CDH18: variants seen among roughly 807,000 people sequenced by gnomAD.
The protein encoded by CDH18 is cadherin-18.
Under a neutral mutation model 67.9 loss-of-function variants are expected in CDH18, and 31 were observed. That is an observed-to-expected ratio of 0.46 (90% CI 0.34 to 0.62). The LOEUF (loss-of-function observed/expected upper bound fraction) is 0.62. Ranked by LOEUF, CDH18 falls within the 20% of genes least tolerant of loss-of-function variation. The pLI is 0.01. For synonymous variants in CDH18, 362 were observed against 347.2 expected, an observed-to-expected ratio of 1.04 and a Z score of -0.48; for missense variants, 890 against 975.5, an observed-to-expected ratio of 0.91 and a Z score of 1.17.
chr5:20,251,559 T>C (rs1743860302), intron 2 of CDH18, among the ~76,000 whole-genome samples: 1 of 152,192 alleles, frequency 6.6e-6, no homozygotes, highest in African/African-American at 2.4e-5. Context: ...GCCTATGTAA[T>C]AGAAACATTC....
intron 5 of CDH18, among the ~76,000 whole-genome samples, chr5:19,640,656 T>C (rs1340692166): frequency 6.6e-6 from 1 of 151,856 alleles, no homozygotes; most frequent in African/African-American, 2.4e-5. Flanking sequence ...AAAGATAAAA[T>C]CAAACTGTAT....
At chr5:19,673,737 C>A (rs1015876771) in intron 5 of CDH18, among the ~76,000 whole-genome samples, 1 of 151,872 alleles carries the variant, frequency 6.6e-6, no homozygotes, top group African/African-American at 2.4e-5. Context: ...TGATAATGCA[C>A]CCTGCAACAT....
intron 1 of CDH18, chr5:20,304,787 G>A: frequency 6.2e-7 from 1 of 1,610,804 alleles, no homozygotes. Flanking sequence ...ACAAGGGAAG[G>A]AGACCGTGTT....
At chr5:20,379,715 T>G (rs1156395346) in intron 1 of CDH18, among the ~76,000 whole-genome samples, 1 of 152,034 alleles carries the variant, frequency 6.6e-6, no homozygotes, top group Non-Finnish European at 1.5e-5. Flanking sequence ...AAGGACAGAT[T>G]CAGCATGTAG....
At chr5:19,492,496 T>G (rs1014988542) in intron 11 of CDH18, among the ~76,000 whole-genome samples, 12 of 152,110 alleles carry the variant, frequency 7.9e-5, no homozygotes, top group Non-Finnish European at 1.5e-4. Flanking sequence ...TACAATGAAA[T>G]TATTTGATGT....
At chr5:20,268,004 A>T (rs1049166224) in intron 1 of CDH18, among the ~76,000 whole-genome samples, 1 of 152,126 alleles carries the variant, frequency 6.6e-6, no homozygotes, top group Admixed American at 6.5e-5. Context: ...CTTGATATCA[A>T]GTGTACCCAA....
rs112215993 is a variant in CDH18 at position 20,408,196 on chromosome 5, G to A, written c.-579-152691C>T. Among the ~76,000 whole-genome samples, 1,353 of 151,798 alleles carry A rather than the reference G, an allele frequency of 8.9e-3. 22 individuals are homozygous for A. The highest frequency in any genetic ancestry group is 0.031 in the African/African-American group (1,266 of 41,480). On this transcript the variant is annotated intron_variant, in intron 1 of 14. Transcript: ENST00000507958. ...ATGAAGAGGGATAAAGACTTTCCCC[G>A]GTAAATAAAAAAAGGTGAGGGAGAT... is the stretch of plus-strand genomic sequence containing the variant.
At chr5:19,490,064 A>AT (rs1201356991) in intron 11 of CDH18, among the ~76,000 whole-genome samples, 3 of 152,068 alleles carry the variant, frequency 2.0e-5, no homozygotes, top group Admixed American at 6.5e-5. Context: ...TATAAACAGT[A>AT]TTTTTTTAGT....
At chr5:20,271,417 A>T (rs1745424725) in intron 1 of CDH18, among the ~76,000 whole-genome samples, 1 of 152,124 alleles carries the variant, frequency 6.6e-6, no homozygotes, top group South Asian at 2.1e-4. Context: ...TATCTAGAAG[A>T]GAGCATTTTT....
chr5:19,580,078 G>A (rs1742987140), intron 7 of CDH18, among the ~76,000 whole-genome samples: 1 of 151,678 alleles, frequency 6.6e-6, no homozygotes, highest in South Asian at 2.1e-4. Flanking sequence ...GGGATAAAAT[G>A]TAAACTATTG....
intron 2 of CDH18, among the ~76,000 whole-genome samples, chr5:20,162,774 T>C (rs1200900996): frequency 6.6e-6 from 1 of 151,738 alleles, no homozygotes; most frequent in Non-Finnish European, 1.5e-5. Context: ...AGAAATAAAA[T>C]TTGGCTGGGC....
chr5:19,518,928 C>G (rs1384674966), intron 10 of CDH18, among the ~76,000 whole-genome samples: 1 of 152,110 alleles, frequency 6.6e-6, no homozygotes, highest in Non-Finnish European at 1.5e-5. Context: ...CTAAAAGAAA[C>G]CTAATTTAGG....
intron 7 of CDH18, among the ~76,000 whole-genome samples, chr5:19,579,055 G>T (rs1742786295): frequency 6.6e-6 from 1 of 151,920 alleles, no homozygotes; most frequent in South Asian, 2.1e-4. Context: ...TATAGCCCCA[G>T]AATGCAGAGA....
intron 2 of CDH18, among the ~76,000 whole-genome samples, chr5:20,174,545 C>A (rs1386141504): frequency 6.6e-6 from 1 of 152,174 alleles, no homozygotes; most frequent in Non-Finnish European, 1.5e-5. Context: ...ATTTATTCAC[C>A]TTTTTTGGGG....
chr5:19,951,473 C>T (rs988936124), intron 2 of CDH18, among the ~76,000 whole-genome samples: 4 of 152,046 alleles, frequency 2.6e-5, no homozygotes, highest in Admixed American at 1.3e-4. Context: ...GCATTTTTAG[C>T]ATTATCCACA....
chr5:19,708,848 C>A (rs115073850), intron 5 of CDH18, among the ~76,000 whole-genome samples: 117 of 152,134 alleles, frequency 7.7e-4, no homozygotes, highest in African/African-American at 2.6e-3. Context: ...CTGTCAGCCC[C>A]CTGATTCCCA....
chr5:19,786,343 G>A (rs1202940994), intron 3 of CDH18, among the ~76,000 whole-genome samples: 1 of 152,044 alleles, frequency 6.6e-6, no homozygotes, highest in East Asian at 1.9e-4. Flanking sequence ...TCTAAAAGCA[G>A]TGCACCCCAA....
intron 1 of CDH18, among the ~76,000 whole-genome samples, chr5:20,409,296 T>C (rs1483621021): frequency 6.6e-6 from 1 of 151,842 alleles, no homozygotes; most frequent in Non-Finnish European, 1.5e-5. Flanking sequence ...TTAACACATT[T>C]AATAAGATTG....
At chr5:19,865,139 T>C (rs527314729) in intron 2 of CDH18, among the ~76,000 whole-genome samples, 108 of 152,230 alleles carry the variant, frequency 7.1e-4, no homozygotes, top group African/African-American at 2.5e-3. Context: ...CTTTACAAAA[T>C]AAACCGTCTG....
Sources: allele counts gnomAD v4.1 joint callset (sites outside exome capture counted in the v4.1 genomes callset), GRCh38; gene constraint gnomAD v4.1.1; transcripts MANE v1.5; gene names NCBI Gene and HGNC (gene_info 2026-07-23, HGNC 2026-07-21).